MYLK: variants seen among roughly 807,000 people sequenced by gnomAD.
The protein encoded by MYLK is myosin light chain kinase, smooth muscle.
In MYLK, 106 loss-of-function variants were observed where a neutral mutation model predicts 203.4. That is an observed-to-expected ratio of 0.52 (90% CI 0.45 to 0.61). MYLK has a LOEUF of 0.61. Ranked by LOEUF, MYLK falls within the 20% of genes least tolerant of loss-of-function variation. MYLK has a pLI of 0.00. For synonymous variants in MYLK, 867 were observed against 959.5 expected, an observed-to-expected ratio of 0.90 and a Z score of 1.78; for missense variants, 2,072 against 2,442.3, an observed-to-expected ratio of 0.85 and a Z score of 3.20.
chr3:123,838,430 T>C (rs1449773291), intron 2 of MYLK, among the ~76,000 whole-genome samples: 1 of 152,172 alleles, frequency 6.6e-6, no homozygotes, highest in Non-Finnish European at 1.5e-5. Context: ...AGAAGGGATA[T>C]GTCAGACAGA....
intron 9 of MYLK, 23 bp from the exon 10 acceptor site, chr3:123,734,245 G>GGGGGGGT: frequency 2.0e-6 from 1 of 489,700 alleles, no homozygotes. Context: ...GAGGGTGGGG[G>GGGGGGGT]TAGGGTGGGT....
intron 4 of MYLK, among the ~76,000 whole-genome samples, chr3:123,779,197 G>C (rs978615168): frequency 2.0e-5 from 3 of 152,168 alleles, no homozygotes; most frequent in African/African-American, 7.2e-5. Context: ...TATGGCATTT[G>C]ATGGGGTTGT....
chr3:123,759,608 T>C (rs148725479), intron 4 of MYLK, among the ~76,000 whole-genome samples: 5 of 152,260 alleles, frequency 3.3e-5, no homozygotes, highest in East Asian at 3.9e-4. Flanking sequence ...GGGATGCCAA[T>C]TGGTAAAATG....
chr3:123,716,675 T>G (rs1272172021), intron 13 of MYLK, among the ~76,000 whole-genome samples: 1 of 152,152 alleles, frequency 6.6e-6, no homozygotes, highest in Non-Finnish European at 1.5e-5. Flanking sequence ...AGCCACACTC[T>G]CAGTTACACT....
At chr3:123,685,878 T>C (rs558211299) in intron 19 of MYLK, among the ~76,000 whole-genome samples, 21 of 152,226 alleles carry the variant, frequency 1.4e-4, no homozygotes, top group East Asian at 3.9e-4. Context: ...CATCTGGCCA[T>C]GAGGAAAGGG....
chr3:123,858,506 G>T (rs2031609477), intron 2 of MYLK, among the ~76,000 whole-genome samples: 2 of 152,164 alleles, frequency 1.3e-5, no homozygotes, highest in African/African-American at 2.4e-5. Flanking sequence ...CATCTGGTAA[G>T]AACCTTCCTG....
chr3:123,850,976 T>TC (rs2030724311), intron 2 of MYLK, among the ~76,000 whole-genome samples: 1 of 152,246 alleles, frequency 6.6e-6, no homozygotes, highest in Non-Finnish European at 1.5e-5. Context: ...TAGCCAGTTT[T>TC]CCCAAAACCA....
Position 123,640,268 on chromosome 3 carries a change from A to C in MYLK, c.4837+19T>G. 1 of 1,609,668 alleles carries C rather than the reference A, an allele frequency of 6.2e-7. No homozygotes were observed. Reference sequence around the variant, plus strand: ...TGCAATACACACTGGTGTCCATGGGAGAGGCAGATGAGCCTTACCCAGCCT... The same window carrying C: ...TGCAATACACACTGGTGTCCATGGGCGAGGCAGATGAGCCTTACCCAGCCT... On this transcript the variant is annotated intron_variant, in intron 28 of 33. Transcript: ENST00000360304. This position sits in a 1 kb window ranked among gnomAD's most constrained non-coding sequence, Gnocchi z 4.3.
chr3:123,702,172 C>T (rs1449134538), intron 16 of MYLK, among the ~76,000 whole-genome samples: 2 of 152,180 alleles, frequency 1.3e-5, no homozygotes, highest in Non-Finnish European at 2.9e-5. Context: ...CTCAGGCCCT[C>T]TGCTCAGGGG....
In MYLK at chr3:123,611,438, A is replaced by G. The variant is rs2057243911; in HGVS notation, c.*2667T>C. 1 of 119,124 alleles carries G rather than the reference A, an allele frequency of 8.4e-6. No homozygotes were observed. Among genetic ancestry groups the G allele is most frequent in the South Asian group, 2.6e-4 (1 of 3,904 alleles). 7.4% of individuals were successfully genotyped at this position (119,124 alleles called of 1,614,324 possible). ...CCATGCCCTGGTAAATAGTATCATCAGTGATGATGATGATGATGATGATGA... is the reference window on the plus strand; with the variant it reads ...CCATGCCCTGGTAAATAGTATCATCGGTGATGATGATGATGATGATGATGA... On this transcript the variant is annotated 3_prime_UTR_variant, in exon 34 of 34. Coordinates refer to ENST00000360304, the MANE Select transcript of MYLK (RefSeq NM_053025.4).
intron 20 of MYLK, among the ~76,000 whole-genome samples, chr3:123,667,603 CA>C (rs56812925): frequency 0.16 from 18,675 of 114,226 alleles, 1,206 homozygotes; most frequent in East Asian, 0.39. Flanking sequence ...GACTCTGTCT[CA>C]AAAAAAAAAA....
At chr3:123,735,447 T>C in intron 8 of MYLK, 31 bp from the exon 9 acceptor site, 1 of 1,613,864 alleles carries the variant, frequency 6.2e-7, no homozygotes, top group Non-Finnish European at 8.5e-7. Flanking sequence ...GGAAAGACTG[T>C]TAGTAGAATG....
chr3:123,673,337 C>G (rs2059977283), intron 20 of MYLK, among the ~76,000 whole-genome samples: 1 of 151,936 alleles, frequency 6.6e-6, no homozygotes, highest in Non-Finnish European at 1.5e-5. Flanking sequence ...TGGTCTCAAA[C>G]TCCTGAGCTC....
chr3:123,739,307 C>T (rs890222870), intron 6 of MYLK, among the ~76,000 whole-genome samples: 3 of 152,252 alleles, frequency 2.0e-5, no homozygotes, highest in South Asian at 4.1e-4. Context: ...GTTAGGCATG[C>T]CTGAATTCCA....
chr3:123,680,055 G>A (rs140332409), intron 20 of MYLK, among the ~76,000 whole-genome samples: 1 of 152,318 alleles, frequency 6.6e-6, no homozygotes, highest in Admixed American at 6.5e-5. Context: ...ATTGGTCTGG[G>A]GGCAGGGGAA....
At chr3:123,647,717 A>G (rs904797931) in intron 26 of MYLK, among the ~76,000 whole-genome samples, 8 of 149,418 alleles carry the variant, frequency 5.4e-5, no homozygotes, top group African/African-American at 2.0e-4. Context: ...TCTTATCTTT[A>G]AACATTTTTT....
intron 2 of MYLK, among the ~76,000 whole-genome samples, chr3:123,864,267 G>T (rs2032159505): frequency 6.6e-6 from 1 of 152,146 alleles, no homozygotes; most frequent in Admixed American, 6.5e-5. Flanking sequence ...AAGGGGTTTG[G>T]GTTTCACAGG....
intron 4 of MYLK, among the ~76,000 whole-genome samples, chr3:123,772,706 G>A (rs531597419): frequency 9.7e-4 from 148 of 151,940 alleles, no homozygotes; most frequent in African/African-American, 3.5e-3. Flanking sequence ...AACACAGAAG[G>A]AAAAAAGTAA....
chr3:123,772,013 T>C (rs189670363), intron 4 of MYLK, among the ~76,000 whole-genome samples: 211 of 152,290 alleles, frequency 1.4e-3, no homozygotes, highest in Admixed American at 3.1e-3. Flanking sequence ...AGTTATAACC[T>C]ACTCAAAAGT....
Sources: gnomAD v4.1 joint callset for allele counts (sites outside exome capture counted in the v4.1 genomes callset) on GRCh38, gnomAD v4.1.1 for gene constraint, Gnocchi (gnomAD v3.1) non-coding constraint, MANE v1.5 for transcripts, NCBI Gene and HGNC (gene_info 2026-07-23, HGNC 2026-07-21) for gene names.